The following LEKR1 variants were observed in gnomAD, a reference collection of about 807,000 sequenced individuals.
LEKR1 encodes leucine, glutamate and lysine rich 1.
Under a neutral mutation model 72.4 loss-of-function variants are expected in LEKR1, and 59 were observed. That is an observed-to-expected ratio of 0.82 (90% confidence interval 0.66 to 1.01). The LOEUF (loss-of-function observed/expected upper bound fraction) is 1.01. Among genes scored for constraint, LEKR1 ranks in the 50% least tolerant of loss-of-function variants. The pLI is 0.00. For missense variants in LEKR1, 728 were observed against 759.2 expected, an observed-to-expected ratio of 0.96 and a Z score of 0.48; for synonymous variants, 257 against 263.2, an observed-to-expected ratio of 0.98 and a Z score of 0.23.
chr3:156,980,761 G>A (rs746966120), intron 7 of LEKR1, among the ~76,000 whole-genome samples: 2 of 152,114 alleles, frequency 1.3e-5, no homozygotes, highest in Non-Finnish European at 2.9e-5. Flanking sequence ...GGAATTTGTG[G>A]GCATACCAAG....
intron 4 of LEKR1, among the ~76,000 whole-genome samples, chr3:156,922,751 C>T (rs896487976): frequency 4.8e-4 from 73 of 152,052 alleles, no homozygotes; most frequent in African/African-American, 1.6e-3. Context: ...TTGTAGAAGG[C>T]CTATAAAATA....
At chr3:156,915,260 G>A (rs9836414) in intron 3 of LEKR1, among the ~76,000 whole-genome samples, 7,391 of 151,980 alleles carry the variant, frequency 0.049, 651 homozygotes, top group African/African-American at 0.17. Context: ...ATTCCTTTGC[G>A]TTTATACTCA....
At chr3:157,040,006 A>G (rs955216651) in intron 12 of LEKR1, among the ~76,000 whole-genome samples, 8 of 152,184 alleles carry the variant, frequency 5.3e-5, no homozygotes, top group African/African-American at 1.7e-4. Flanking sequence ...AGGGACAGGG[A>G]CTATACCTAG....
chr3:156,900,187 ATGTGGGT>A (rs1272059333), intron 3 of LEKR1, among the ~76,000 whole-genome samples: 3 of 152,168 alleles, frequency 2.0e-5, no homozygotes, highest in African/African-American at 7.2e-5. Context: ...TGTGGGAAGA[ATGTGGGT>A]CCATTGTTTT....
intron 5 of LEKR1, among the ~76,000 whole-genome samples, chr3:156,932,699 CTG>C (rs1725336338): frequency 1.0e-5 from 1 of 95,960 alleles, no homozygotes. Context: ...GAGTGAGACT[CTG>C]TCTCAAAAAA....
intron 9 of LEKR1, among the ~76,000 whole-genome samples, chr3:156,998,854 C>G (rs564952416): frequency 6.6e-6 from 1 of 152,114 alleles, no homozygotes; most frequent in Non-Finnish European, 1.5e-5. Context: ...TCTTTTTAGT[C>G]AAAAGCTATG....
intron 2 of LEKR1, among the ~76,000 whole-genome samples, chr3:156,836,041 T>A (rs1222722347): frequency 6.6e-6 from 1 of 151,750 alleles, no homozygotes; most frequent in Non-Finnish European, 1.5e-5. Flanking sequence ...GCCTGGCTGA[T>A]TTTTGTATTT....
intron 6 of LEKR1, among the ~76,000 whole-genome samples, chr3:156,966,682 C>T (rs1295415991): frequency 9.9e-5 from 15 of 152,144 alleles, no homozygotes; most frequent in South Asian, 2.1e-4. Flanking sequence ...TGCCTGCCTC[C>T]GTAGACTCCA....
chr3:156,911,417 G>A (rs1723099446), intron 3 of LEKR1, among the ~76,000 whole-genome samples: 11 of 152,090 alleles, frequency 7.2e-5, no homozygotes, highest in Admixed American at 7.2e-4. Context: ...CTTGTTGGAT[G>A]CATAGTTTGT....
chr3:157,044,946 C>A (rs1735645153), intron 12 of LEKR1, among the ~76,000 whole-genome samples: 1 of 152,152 alleles, frequency 6.6e-6, no homozygotes, highest in South Asian at 2.1e-4. Flanking sequence ...CAGCTATTAA[C>A]TATTGAGTAT....
At chr3:156,974,264 A>G (rs1287904774) in intron 6 of LEKR1, among the ~76,000 whole-genome samples, 1 of 152,180 alleles carries the variant, frequency 6.6e-6, no homozygotes, top group Non-Finnish European at 1.5e-5. Flanking sequence ...ACTAAAAAGA[A>G]TAAGAGTCAA....
rs115826421 is a variant in LEKR1 at position 156,992,136 on chromosome 3, G to A, written c.828-517G>A. Among the ~76,000 whole-genome samples the A allele has an allele frequency of 2.6e-3, 395 of 152,260 alleles. 1 individual carries two copies. The highest frequency in any genetic ancestry group is 3.7e-3 in the Non-Finnish European group (253 of 68,020). On this transcript the variant is annotated intron_variant, in intron 7 of 12. Transcript: ENST00000356539. ...GGAGTATTTGGGACTCTCTTTCTCCGGCTCTCGCCTCTTCAGCATCCTTTC... is the reference window on the plus strand; with the variant it reads ...GGAGTATTTGGGACTCTCTTTCTCCAGCTCTCGCCTCTTCAGCATCCTTTC...
chr3:157,045,359 C>T lies in LEKR1; in HGVS notation c.1688C>T (p.Thr563Ile). 8.7e-6 allele frequency: 14 copies of T among 1,610,760 alleles called. No homozygotes were observed. Among genetic ancestry groups the T allele is most frequent in the Non-Finnish European group, 1.2e-5 (14 of 1,177,678 alleles). The change falls in exon 13 of 13, where the codon ACA becomes ATA. Residue 563 changes from threonine (T) to isoleucine (I), a missense_variant. Physicochemically the swap from Thr to Ile is moderately conservative, Grantham distance 89. Transcript: ENST00000356539. ...TTTCAGAATACTTTTCTTCAGGAGA[C>T]AGTGCGTAGAGAATGTGAAGAACGC... ...SQEENTFLQE[T>I]VRRECEERFE...
intron 12 of LEKR1, among the ~76,000 whole-genome samples, chr3:157,041,893 C>A (rs34222384): frequency 0.032 from 4,868 of 152,284 alleles, 236 homozygotes; most frequent in African/African-American, 0.097. Context: ...TAACCACTAG[C>A]AGATGATTCT....
intron 7 of LEKR1, among the ~76,000 whole-genome samples, chr3:156,987,145 A>G (rs1576952507): frequency 6.6e-6 from 1 of 152,272 alleles, no homozygotes; most frequent in Admixed American, 6.5e-5. Flanking sequence ...TTGAAGAGAA[A>G]GGATTACCAC....
intron 2 of LEKR1, among the ~76,000 whole-genome samples, chr3:156,841,225 G>C (rs973969345): frequency 3.9e-5 from 6 of 152,176 alleles, no homozygotes; most frequent in African/African-American, 1.4e-4. Context: ...ACAGGCAGCG[G>C]GTAAGGCATC....
At chr3:156,882,430 T>A (rs1228246390) in intron 3 of LEKR1, among the ~76,000 whole-genome samples, 1 of 152,058 alleles carries the variant, frequency 6.6e-6, no homozygotes, top group Non-Finnish European at 1.5e-5. Context: ...ATCAGAGAAA[T>A]GCAAATCAAA....
At chr3:156,886,001 G>T (rs1408084287) in intron 3 of LEKR1, among the ~76,000 whole-genome samples, 7 of 152,180 alleles carry the variant, frequency 4.6e-5, no homozygotes, top group Admixed American at 4.6e-4. Context: ...CTCGGGTTAT[G>T]GGTGGAGCCA....
At chr3:156,832,201 G>A (rs148217990) in intron 2 of LEKR1, among the ~76,000 whole-genome samples, 1 of 146,640 alleles carries the variant, frequency 6.8e-6, no homozygotes, top group Non-Finnish European at 1.5e-5. Flanking sequence ...TGGACTATAA[G>A]ACAAATAATG....
Sources: gnomAD v4.1 joint callset for allele counts (sites outside exome capture counted in the v4.1 genomes callset) on GRCh38, gnomAD v4.1.1 for gene constraint, MANE v1.5 for transcripts, NCBI Gene and HGNC (gene_info 2026-07-23, HGNC 2026-07-21) for gene names.